The following OPRM1 variants were observed in gnomAD, a reference collection of about 807,000 sequenced individuals.
OPRM1 encodes the protein opioid receptor mu 1.
In OPRM1, 27 loss-of-function variants were observed where a neutral mutation model predicts 31.8. The ratio of observed to expected loss-of-function variants is 0.85; its 90% CI spans 0.63 to 1.17. The LOEUF (loss-of-function observed/expected upper bound fraction) is 1.17, where lower values mean the gene tolerates loss of function less well. Among genes scored for constraint, OPRM1 ranks in the 50% most tolerant of loss-of-function variants. The pLI is 0.00. For synonymous variants in OPRM1, 196 were observed against 189.9 expected, an observed-to-expected ratio of 1.03 and a Z score of -0.26; for missense variants, 536 against 511.1, an observed-to-expected ratio of 1.05 and a Z score of -0.47.
intron 3 of OPRM1, among the ~76,000 whole-genome samples, chr6:154,100,483 A>G (rs1305787043): frequency 6.6e-6 from 1 of 151,778 alleles, no homozygotes; most frequent in East Asian, 1.9e-4. Flanking sequence ...TAACATCTGA[A>G]CATATTAGAA....
intron 1 of OPRM1, among the ~76,000 whole-genome samples, chr6:154,033,469 G>A (rs974533172): frequency 4.6e-5 from 7 of 152,260 alleles, no homozygotes; most frequent in East Asian, 1.9e-4. Flanking sequence ...GAATTAAAGC[G>A]CTGGAAAAGT....
At chr6:154,144,121 A>G (rs905424990) in intron 3 of OPRM1, among the ~76,000 whole-genome samples, 5 of 152,360 alleles carry the variant, frequency 3.3e-5, no homozygotes, top group African/African-American at 1.2e-4. Flanking sequence ...AAGTCACCCA[A>G]TATGAAACAG....
chr6:154,221,201 G>A (rs2128616597), intron 3 of OPRM1: 4 of 1,264,932 alleles, frequency 3.2e-6, no homozygotes, highest in African/African-American at 1.5e-5. Context: ...CCAGTACCAG[G>A]CTAAAGTTAA....
In OPRM1 at chr6:154,210,935, G is replaced by A. The variant is rs115901605; in HGVS notation, c.1165-35758G>A. On this transcript the variant is annotated intron_variant, in intron 3 of 3. Transcript: ENST00000337049. Reference sequence around the variant, plus strand: ...ACTGACAGTGTGAAAAAACAGTAGAGGTCATTATTTAAATAATCAATATAA... The same window carrying A: ...ACTGACAGTGTGAAAAAACAGTAGAAGTCATTATTTAAATAATCAATATAA... 5.7e-3 allele frequency among the ~76,000 whole-genome samples: 871 copies of A among 152,120 alleles called. 3 individuals are homozygous for A. Among genetic ancestry groups the A allele is most frequent in the African/African-American group, 0.019 (778 of 41,502 alleles).
At chr6:154,076,563 A>G (rs1014469033) in intron 1 of OPRM1, among the ~76,000 whole-genome samples, 1 of 152,108 alleles carries the variant, frequency 6.6e-6, no homozygotes, top group African/African-American at 2.4e-5. Flanking sequence ...CACGCCTGTA[A>G]TCCCAGCACT....
chr6:154,010,753 T>C, exon 1 of OPRM1: 1 of 1,421,886 alleles, frequency 7.0e-7, no homozygotes. Context: ...TGCCCCTTTC[T>C]CCTACAAACA....
At chr6:154,022,379 C>T (rs73788955) in intron 1 of OPRM1, among the ~76,000 whole-genome samples, 1,659 of 133,420 alleles carry the variant, frequency 0.012, 43 homozygotes, top group African/African-American at 0.055. Flanking sequence ...CTGCTCCACG[C>T]CCCGTGGCTT....
intron 3 of OPRM1, chr6:154,107,534 T>C (rs1215409165): frequency 1.4e-6 from 1 of 718,592 alleles, no homozygotes; most frequent in South Asian, 1.5e-5. Flanking sequence ...TGCAGGGCAG[T>C]CTCCATTTCC....
At chr6:154,237,444 C>A (rs988502061) in intron 3 of OPRM1, among the ~76,000 whole-genome samples, 1 of 152,310 alleles carries the variant, frequency 6.6e-6, no homozygotes, top group East Asian at 1.9e-4. Flanking sequence ...AAAACCATTC[C>A]TGGTATCTGA....
At chr6:154,109,806 G>C (rs1458771682) in intron 3 of OPRM1, among the ~76,000 whole-genome samples, 6 of 114,658 alleles carry the variant, frequency 5.2e-5, no homozygotes, top group Middle Eastern at 4.8e-3. Flanking sequence ...GTGTGTGTGT[G>C]TGTGTGTGTG....
chr6:154,144,493 T>TC (rs1798307600), intron 3 of OPRM1, among the ~76,000 whole-genome samples: 1 of 152,156 alleles, frequency 6.6e-6, no homozygotes, highest in Non-Finnish European at 1.5e-5. Flanking sequence ...AAGCCTGTAA[T>TC]CCCAGCACTT....
At chr6:154,025,776 G>C (rs1451269274) in intron 1 of OPRM1, among the ~76,000 whole-genome samples, 1 of 151,876 alleles carries the variant, frequency 6.6e-6, no homozygotes, top group African/African-American at 2.4e-5. Flanking sequence ...AAACAATTTA[G>C]CACTTTTTGC....
At chr6:154,060,479 C>T (rs953383153) in intron 1 of OPRM1, among the ~76,000 whole-genome samples, 1 of 152,208 alleles carries the variant, frequency 6.6e-6, no homozygotes, top group African/African-American at 2.4e-5. Context: ...GTCCATTCAA[C>T]TCCCATGCCA....
At position 154,106,661 on chromosome 6, in the gene OPRM1, T is replaced by G. The variant is rs865808841; in HGVS notation, c.1165-12022T>G. Among the ~76,000 whole-genome samples, 4 of 152,350 alleles carry G rather than the reference T, an allele frequency of 2.6e-5. 1 individual carries two copies. In the Middle Eastern group the frequency reaches 0.014, roughly 518 times the overall value. On this transcript the variant is annotated intron_variant, in intron 3 of 3. Coordinates refer to ENST00000330432, the MANE Select transcript of OPRM1 (RefSeq NM_000914.5). ...CCCTTCTTTTAAACAACCAGTTATT[T>G]TACTTTAGGACAAGAATTTACCATA...
chr6:154,100,118 TATC>T lies in OPRM1; in HGVS notation c.1164+8649_1164+8651del, dbSNP rs1794487115. Reference sequence around the variant, plus strand: ...ATATTATGATATATATATTATATATTATCATATTATGACATATAATATATATTA... The same window carrying T: ...ATATTATGATATATATATTATATATTATATTATGACATATAATATATATTA... On this transcript the variant is annotated intron_variant, in intron 3 of 3. Coordinates refer to ENST00000330432, the MANE Select transcript of OPRM1 (RefSeq NM_000914.5). 9.4e-5 allele frequency among the ~76,000 whole-genome samples: 6 copies of T among 63,670 alleles called. 1 individual carries two copies. Among genetic ancestry groups the T allele is most frequent in the African/African-American group, 3.8e-4 (6 of 15,886 alleles). The allele number at this position is 63,670 out of a possible 152,430, so 41.8% of individuals were successfully genotyped here.
upstream of OPRM1, among the ~76,000 whole-genome samples, chr6:154,035,035 A>G (rs1299458134): frequency 6.6e-6 from 1 of 152,210 alleles, no homozygotes; most frequent in East Asian, 1.9e-4. Flanking sequence ...CAGGATATAA[A>G]AAGCCAAACA....
At chr6:154,191,053 C>G (rs1007883232) in intron 3 of OPRM1, among the ~76,000 whole-genome samples, 3 of 151,750 alleles carry the variant, frequency 2.0e-5, no homozygotes, top group African/African-American at 7.3e-5. Context: ...GAGACTCCAT[C>G]TCAAAAAAAG....
At chr6:154,152,347 G>GAAAGAAGAAA in intron 3 of OPRM1, among the ~76,000 whole-genome samples, 3 of 65,132 alleles carry the variant, frequency 4.6e-5, no homozygotes, top group Non-Finnish European at 9.4e-5. Context: ...AAGAAAGAAA[G>GAAAGAAGAAA]GAAAGAAAGA....
intron 1 of OPRM1, among the ~76,000 whole-genome samples, chr6:154,052,679 A>G (rs1782445776): frequency 6.6e-6 from 1 of 152,230 alleles, no homozygotes; most frequent in Admixed American, 6.5e-5. Context: ...CATCTTAAAT[A>G]AAATTTTATT....
Sources: gnomAD v4.1 joint callset for allele counts (sites outside exome capture counted in the v4.1 genomes callset) on GRCh38, gnomAD v4.1.1 for gene constraint, MANE v1.5 for transcripts, NCBI Gene and HGNC (gene_info 2026-07-23, HGNC 2026-07-21) for gene names.